Variants in SHANK2 observed in about 807,000 individuals in gnomAD.
The protein encoded by SHANK2 is SH3 and multiple ankyrin repeat domains 2.
Under a neutral mutation model 133.7 loss-of-function variants are expected in SHANK2, and 43 were observed. The observed-to-expected ratio is 0.32, with a 90% confidence interval of 0.25 to 0.41. The LOEUF (loss-of-function observed/expected upper bound fraction) is 0.41. SHANK2 is among the 10% of genes least tolerant of loss of function. The pLI, the probability that SHANK2 is intolerant of heterozygous loss-of-function variation, is 1.00. For missense variants in SHANK2, 1,994 were observed against 2,235.8 expected (o/e 0.89, Z 2.18); for synonymous variants, 1,017 against 952.8 (o/e 1.07, Z -1.24).
intron 17 of SHANK2, among the ~76,000 whole-genome samples, chr11:70,540,975 T>A (rs1432192539): frequency 6.6e-6 from 1 of 151,752 alleles, no homozygotes; most frequent in Non-Finnish European, 1.5e-5. Context: ...TGTGAACCAC[T>A]AACTCCCCAT....
rs375349416 is a variant in SHANK2, at chr11:70,779,865, G to A, written c.1777+18578C>T. Among the ~76,000 whole-genome samples the A allele has an allele frequency of 7.2e-5, 11 of 152,230 alleles. No homozygotes were observed. The South Asian group carries it at 1.9e-3, about 26-fold the overall frequency. On this transcript the variant is annotated intron_variant, in intron 14 of 25. Transcript: ENST00000601538. ...TTCCCTACACCCCTGACCCAGACCC[G>A]GCCAGTCACCCTTGCTGGTGCCCCC...
At chr11:70,751,306 A>G (rs1163856721) in intron 14 of SHANK2, among the ~76,000 whole-genome samples, 1 of 152,252 alleles carries the variant, frequency 6.6e-6, no homozygotes, top group Non-Finnish European at 1.5e-5. Context: ...TATTTCATAC[A>G]GAAGAAAAAC....
Position 70,819,352 on chromosome 11 carries a change from G to A in SHANK2, c.1493+1012C>T, listed in dbSNP as rs1022986893. Among the ~76,000 whole-genome samples the A allele has an allele frequency of 5.9e-5, 9 of 152,374 alleles. No homozygotes were observed. The East Asian group carries it at 1.5e-3, about 26-fold the overall frequency. On this transcript the variant is annotated intron_variant, in intron 12 of 25. Coordinates refer to ENST00000601538, the MANE Select transcript of SHANK2 (RefSeq NM_012309.5). ...ACTCCTGGAGCAGCTGTACCCATGA[G>A]AATGTGGAGGCATCGGTGGCAACGG...
intron 17 of SHANK2, among the ~76,000 whole-genome samples, chr11:70,605,441 T>G (rs1216532181): frequency 6.6e-6 from 1 of 152,242 alleles, no homozygotes; most frequent in Non-Finnish European, 1.5e-5. Context: ...ATGTTTAGGC[T>G]GGACACTCCA....
chr11:70,798,843 G>A (rs1259637196), intron 13 of SHANK2, among the ~76,000 whole-genome samples: 1 of 152,214 alleles, frequency 6.6e-6, no homozygotes, highest in Non-Finnish European at 1.5e-5. Context: ...CACGTCATAT[G>A]AATGGATGTG....
chr11:71,227,843 C>T (rs1191905725), intron 1 of SHANK2, among the ~76,000 whole-genome samples: 1 of 151,868 alleles, frequency 6.6e-6, no homozygotes, highest in Non-Finnish European at 1.5e-5. Flanking sequence ...GTTCCTACCT[C>T]AAGAAGCTAG....
intron 10 of SHANK2, among the ~76,000 whole-genome samples, chr11:70,925,533 A>G (rs1950416324): frequency 6.6e-6 from 1 of 152,240 alleles, no homozygotes; most frequent in Non-Finnish European, 1.5e-5. Flanking sequence ...AACTGGTAGA[A>G]AAAACATATG....
chr11:70,737,095 G>T lies in SHANK2; in HGVS notation c.1778-38332C>A, dbSNP rs545709685. 1.2e-4 allele frequency among the ~76,000 whole-genome samples: 19 copies of T among 152,234 alleles called. No homozygotes were observed. In the East Asian group the frequency reaches 1.9e-3, roughly 16 times the overall value. Reference sequence around the variant, plus strand: ...CCTTTCTGAGCCAAAGTCCCGAGCCGCGGGCTACACCCCTCAGAGACTCCT... The same window carrying T: ...CCTTTCTGAGCCAAAGTCCCGAGCCTCGGGCTACACCCCTCAGAGACTCCT... On this transcript the variant is annotated intron_variant, in intron 14 of 25. Coordinates refer to ENST00000601538, the MANE Select transcript of SHANK2 (RefSeq NM_012309.5).
intron 2 of SHANK2, 59 bp from the exon 3 acceptor site, chr11:71,147,397 AG>A (rs1555106963): frequency 7.0e-7 from 1 of 1,426,036 alleles, no homozygotes; most frequent in East Asian, 2.5e-5. Context: ...AAGAAAACCC[AG>A]GGGCACGGTG....
At chr11:70,876,243 G>GACACACAC (rs3064243) in intron 11 of SHANK2, among the ~76,000 whole-genome samples, 65,454 of 134,672 alleles carry the variant, frequency 0.49, 16,846 homozygotes, top group Middle Eastern at 0.62. Context: ...CACACATATA[G>GACACACAC]ACACACACAC....
At chr11:71,141,273 A>C (rs1329444475) in intron 3 of SHANK2, among the ~76,000 whole-genome samples, 4 of 151,950 alleles carry the variant, frequency 2.6e-5, no homozygotes, top group Admixed American at 6.6e-5. Context: ...TGGGCAGATC[A>C]CCTGAGGTCA....
intron 18 of SHANK2, 46 bp downstream of exon 18, chr11:70,502,750 C>CCA (rs2059077568): frequency 7.8e-7 from 1 of 1,278,538 alleles, no homozygotes; most frequent in Non-Finnish European, 1.1e-6. Flanking sequence ...CACCCCCCCC[C>CCA]CCCAGTAGGG....
intron 14 of SHANK2, among the ~76,000 whole-genome samples, chr11:70,721,809 T>C (rs1012754540): frequency 6.6e-6 from 1 of 152,246 alleles, no homozygotes; most frequent in African/African-American, 2.4e-5. Flanking sequence ...CTAAACTCTT[T>C]TCGCAAGAAG....
rs184526145 is a variant in SHANK2, at chr11:70,882,344, C to T, written c.1174+14157G>A. 6.6e-6 allele frequency among the ~76,000 whole-genome samples: 1 copy of T among 152,286 alleles called. No homozygotes were observed. On this transcript the variant is annotated intron_variant, in intron 11 of 25. Coordinates refer to ENST00000601538, the MANE Select transcript of SHANK2 (RefSeq NM_012309.5). This position sits in a 1 kb window ranked among gnomAD's most constrained non-coding sequence, Gnocchi z 4.2. ...AGTGTGGAAGGCAGGCAGAAAGGCCCCTGGGCTGTGCCTGTAGCTAGGAGC... is the reference window on the plus strand; with the variant it reads ...AGTGTGGAAGGCAGGCAGAAAGGCCTCTGGGCTGTGCCTGTAGCTAGGAGC...
chr11:70,885,441 C>T (rs1482157079), intron 11 of SHANK2, among the ~76,000 whole-genome samples: 1 of 152,210 alleles, frequency 6.6e-6, no homozygotes, highest in Non-Finnish European at 1.5e-5. Flanking sequence ...TTCCCAGCAG[C>T]CACGTGTCCA....
intron 17 of SHANK2, among the ~76,000 whole-genome samples, chr11:70,643,291 C>T (rs1555007018): frequency 6.6e-6 from 1 of 152,126 alleles, no homozygotes; most frequent in East Asian, 1.9e-4. Context: ...AGGCCGGGTG[C>T]GGTGGCTCAC....
At chr11:70,633,375 G>C (rs1555002917) in intron 17 of SHANK2, among the ~76,000 whole-genome samples, 1 of 151,744 alleles carries the variant, frequency 6.6e-6, no homozygotes, top group Non-Finnish European at 1.5e-5. Flanking sequence ...AGAAGACACA[G>C]GGAGAGTGAA....
chr11:71,111,214 C>T (rs1367375107), intron 5 of SHANK2, among the ~76,000 whole-genome samples: 4 of 152,228 alleles, frequency 2.6e-5, no homozygotes, highest in South Asian at 2.1e-4. Flanking sequence ...ACAGCTGGGC[C>T]GCTGGAGCAC....
Position 70,500,836 on chromosome 11 carries a change from TGGAAAGG to T in SHANK2, c.2288-253_2288-247del. The T allele has an allele frequency of 2.8e-6, 2 of 711,622 alleles. No homozygotes were observed. The highest frequency in any genetic ancestry group is 5.2e-6 in the Non-Finnish European group (2 of 384,130). 44.1% of individuals were successfully genotyped at this position (711,622 alleles called of 1,614,324 possible). ...TGCTCGTTAACCTACTGCCTGGCAG[TGGAAAGG>T]GGCTTTCCTTCTTCCTCAGCACCCC... On this transcript the variant is annotated intron_variant, in intron 20 of 25. Coordinates refer to ENST00000601538, the MANE Select transcript of SHANK2 (RefSeq NM_012309.5). This position sits in a 1 kb window ranked among gnomAD's most constrained non-coding sequence, Gnocchi z 4.5.
Sources: allele counts gnomAD v4.1 joint callset (sites outside exome capture counted in the v4.1 genomes callset), GRCh38; gene constraint gnomAD v4.1.1; non-coding constraint Gnocchi (gnomAD v3.1); transcripts MANE v1.5; gene names NCBI Gene and HGNC (gene_info 2026-07-23, HGNC 2026-07-21).